Variants in ADGRG6 observed in about 807,000 individuals in gnomAD.
ADGRG6 encodes the protein adhesion G protein-coupled receptor G6.
A neutral mutation model predicts 142.4 loss-of-function variants in ADGRG6; 84 were observed. The observed-to-expected ratio is 0.59, with a 90% confidence interval of 0.49 to 0.71. The LOEUF is 0.71. Among genes scored for constraint, ADGRG6 ranks in the 30% least tolerant of loss-of-function variants. ADGRG6 has a pLI of 0.00. For synonymous variants in ADGRG6, 521 were observed against 520.5 expected (o/e 1.00, Z -0.01); for missense variants, 1,367 against 1,466.6 (o/e 0.93, Z 1.11).
chr6:142,370,089 T>C (rs1781161543), intron 3 of ADGRG6, 81 bp from the exon 4 acceptor site: 5 of 1,219,040 alleles, frequency 4.1e-6, no homozygotes, highest in Non-Finnish European at 5.7e-6. Context: ...TAGAAAGCGA[T>C]GGAGGGCTTG....
intron 2 of ADGRG6, among the ~76,000 whole-genome samples, chr6:142,335,337 T>G (rs1562319138): frequency 6.6e-6 from 1 of 152,132 alleles, no homozygotes; most frequent in Non-Finnish European, 1.5e-5. Context: ...GGAAGGAGTT[T>G]TTAAAAAGGA....
intron 2 of ADGRG6, among the ~76,000 whole-genome samples, chr6:142,343,936 T>C (rs1779776933): frequency 6.6e-6 from 1 of 151,946 alleles, no homozygotes. Flanking sequence ...TCATTAGTGC[T>C]TGAAGTTCGC....
intron 2 of ADGRG6, among the ~76,000 whole-genome samples, chr6:142,330,025 T>C (rs1293443908): frequency 6.6e-6 from 1 of 152,150 alleles, no homozygotes; most frequent in African/African-American, 2.4e-5. Flanking sequence ...AAACAACATA[T>C]TCTGCTGGAA....
intron 22 of ADGRG6, among the ~76,000 whole-genome samples, chr6:142,429,385 T>C (rs917995219): frequency 6.6e-6 from 1 of 151,204 alleles, no homozygotes; most frequent in Non-Finnish European, 1.5e-5. Flanking sequence ...ACCAATTCAG[T>C]CCCTCACAAG....
chr6:142,426,487 A>C (rs924914911), intron 22 of ADGRG6, among the ~76,000 whole-genome samples: 2 of 152,180 alleles, frequency 1.3e-5, no homozygotes, highest in Admixed American at 1.3e-4. Flanking sequence ...GTGGCTTTGC[A>C]GGGTATAGCC....
intron 4 of ADGRG6, among the ~76,000 whole-genome samples, chr6:142,373,207 C>G (rs1781336344): frequency 6.6e-6 from 1 of 152,076 alleles, no homozygotes; most frequent in South Asian, 2.1e-4. Context: ...CTCTTCTAAC[C>G]AGTATAAATT....
rs927292104 is a variant in ADGRG6 at position 142,367,622 on chromosome 6, A to G, written c.157A>G (p.Thr53Ala). Residue 53 changes from threonine to alanine, a missense_variant, in exon 3 of 25, where the codon ACT (threonine) becomes GCT (alanine). Around this residue, in one of 3 missense-constraint regions of ADGRG6, gnomAD observed 737 missense variants for 746.5 expected, o/e 0.99. Transcript: ENST00000367609. ...VVLSNPSGTF[T>A]SPCYPNDYPN... ...TTTGTCCAACCCTTCTGGGACCTTT[A>G]CTTCTCCATGCTACCCTAACGACTA... is the stretch of plus-strand genomic sequence containing the variant. The G allele has an allele frequency of 6.2e-7, 1 of 1,613,438 alleles. No individual in the cohort carries two copies.
chr6:142,325,748 A>AT (rs762284845), intron 2 of ADGRG6, among the ~76,000 whole-genome samples: 17 of 152,020 alleles, frequency 1.1e-4, no homozygotes, highest in African/African-American at 3.4e-4. Flanking sequence ...ATATTTGTAG[A>AT]TTTTTTTAAA....
At chr6:142,304,366 C>G (rs1406047674) in intron 1 of ADGRG6, among the ~76,000 whole-genome samples, 3 of 152,114 alleles carry the variant, frequency 2.0e-5, no homozygotes, top group Non-Finnish European at 2.9e-5. Flanking sequence ...TTTTCATACC[C>G]TAAGAAATTT....
chr6:142,419,389 G>T (rs1183520998), intron 21 of ADGRG6, among the ~76,000 whole-genome samples: 1 of 152,094 alleles, frequency 6.6e-6, no homozygotes, highest in African/African-American at 2.4e-5. Context: ...AAATCCTTTG[G>T]CAGACTTCTA....
chr6:142,398,678 C>T (rs1040549632), intron 10 of ADGRG6, among the ~76,000 whole-genome samples: 3 of 152,128 alleles, frequency 2.0e-5, no homozygotes, highest in African/African-American at 7.2e-5. Flanking sequence ...CTCCCACCGG[C>T]AACCTCATTA....
intron 9 of ADGRG6, among the ~76,000 whole-genome samples, chr6:142,395,330 A>G (rs1183757503): frequency 6.6e-6 from 1 of 152,112 alleles, no homozygotes; most frequent in Non-Finnish European, 1.5e-5. Flanking sequence ...GTTAGGTCAT[A>G]TTGCATCTTC....
At chr6:142,333,925 T>C (rs1779187581) in intron 2 of ADGRG6, among the ~76,000 whole-genome samples, 3 of 152,188 alleles carry the variant, frequency 2.0e-5, no homozygotes, top group Non-Finnish European at 4.4e-5. Flanking sequence ...ATCCTATGGC[T>C]TGTCCACACT....
intron 2 of ADGRG6, among the ~76,000 whole-genome samples, chr6:142,338,037 T>TTTTTTTTTTTTTTTTTTTTTTG: frequency 1.6e-5 from 2 of 121,704 alleles, no homozygotes; most frequent in Admixed American, 8.8e-5. Context: ...TTTTTTTTTT[T>TTTTTTTTTTTTTTTTTTTTTTG]TGAGACGGAG....
chr6:142,357,538 G>T (rs142016511), intron 2 of ADGRG6, among the ~76,000 whole-genome samples: 264 of 152,266 alleles, frequency 1.7e-3, no homozygotes, highest in Admixed American at 4.1e-3. Context: ...CCTATAATTT[G>T]CTTTGCTCCA....
rs77124013 is a variant in ADGRG6, at chr6:142,415,186, C to T, written c.2669+90C>T. ...CTCGGCTTTGAAAAACATTTATACA[C>T]TGTAGGGTGGTTGAACGTTAATGTT... On this transcript the variant is annotated intron_variant, in intron 19 of 24. Transcript: ENST00000367609. 8.2e-4 allele frequency: 703 copies of T among 861,696 alleles called. 4 individuals are homozygous for T. In the African/African-American group the frequency reaches 0.011, roughly 13 times the overall value. 53.4% of individuals were successfully genotyped at this position (861,696 alleles called of 1,614,324 possible). A position where few individuals can be genotyped will look rare whatever the true frequency, so the allele number is the denominator to read the frequency against.
At position 142,411,357 on chromosome 6, in the gene ADGRG6, T is replaced by A. The variant is rs1776073955; in HGVS notation, c.2487T>A (p.Asp829Glu). The A allele has an allele frequency of 6.2e-7, 1 of 1,610,042 alleles. No individual in the cohort carries two copies. The highest frequency in any genetic ancestry group is 8.5e-7 in the Non-Finnish European group (1 of 1,176,450). ...GATGTGTTGCACACAGAGATTCAGA[T>A]GCAAGTGAGACAGTCTGCCTGTGTA... ...TSGCVAHRDS[D>E]ASETVCLCNH... Residue 829 changes from aspartate to glutamate, a missense_variant, in exon 18 of 25, where the codon GAT (aspartate) becomes GAA (glutamate). Around this residue, in one of 3 missense-constraint regions of ADGRG6, gnomAD observed 286 missense variants for 371.4 expected, o/e 0.77. Transcript: ENST00000367609.
chr6:142,373,458 A>G (rs1178801146), intron 4 of ADGRG6, among the ~76,000 whole-genome samples: 1 of 152,226 alleles, frequency 6.6e-6, no homozygotes, highest in African/African-American at 2.4e-5. Flanking sequence ...TCAGTTTTAC[A>G]GGGATTCCTA....
chr6:142,338,303 C>T (rs573334125), intron 2 of ADGRG6, among the ~76,000 whole-genome samples: 102 of 151,464 alleles, frequency 6.7e-4, no homozygotes, highest in Non-Finnish European at 1.2e-3. Context: ...CCACCGCGCC[C>T]GGCCTATGCC....
Sources: allele counts gnomAD v4.1 joint callset (sites outside exome capture counted in the v4.1 genomes callset), GRCh38; gene constraint gnomAD v4.1.1; regional missense constraint gnomAD v4.1.1; transcripts MANE v1.5; gene names NCBI Gene and HGNC (gene_info 2026-07-23, HGNC 2026-07-21).